NOXA1: variants seen among roughly 807,000 people sequenced by gnomAD.
The protein encoded by NOXA1 is NADPH oxidase activator 1, also known as NCF2-like protein.
Under a neutral mutation model 64.8 loss-of-function variants are expected in NOXA1, and 56 were observed. The ratio of observed to expected loss-of-function variants is 0.86; its 90% CI spans 0.70 to 1.08. The LOEUF is 1.08. NOXA1 is among the 50% of genes least tolerant of loss of function. NOXA1 has a pLI of 0.00. For synonymous variants in NOXA1, 295 were observed against 294.8 expected (o/e 1.00, Z -0.01); for missense variants, 668 against 658.5 (o/e 1.01, Z -0.16).
intron 1 of NOXA1, among the ~76,000 whole-genome samples, chr9:137,425,826 C>G (rs532339994): frequency 1.3e-5 from 2 of 150,854 alleles, no homozygotes; most frequent in Non-Finnish European, 1.5e-5. Flanking sequence ...GAGCCAAGAT[C>G]GAGCCACTGC....
At chr9:137,426,068 A>G (rs1220247612) in intron 1 of NOXA1, among the ~76,000 whole-genome samples, 180 bp from the exon 2 acceptor site, 1 of 152,018 alleles carries the variant, frequency 6.6e-6, no homozygotes, top group Non-Finnish European at 1.5e-5. Flanking sequence ...TGGCAACCTG[A>G]GTGGCGACAG....
intron 1 of NOXA1, among the ~76,000 whole-genome samples, chr9:137,425,408 C>T (rs115252886): frequency 0.011 from 1,742 of 152,156 alleles, 36 homozygotes; most frequent in African/African-American, 0.04. Flanking sequence ...TTTTTTGAGA[C>T]GGAATCTCGC....
intron 5 of NOXA1, 65 bp downstream of exon 5, chr9:137,429,448 G>A: frequency 8.4e-7 from 1 of 1,191,142 alleles, no homozygotes; most frequent in Non-Finnish European, 1.2e-6. Context: ...TGTGTTCCCA[G>A]GGATGGGGGG....
chr9:137,432,440 C>T (rs1030854849), intron 8 of NOXA1, among the ~76,000 whole-genome samples: 1 of 152,056 alleles, frequency 6.6e-6, no homozygotes, highest in Non-Finnish European at 1.5e-5. Flanking sequence ...ATTAGCTGGG[C>T]ATGGCGGCGG....
chr9:137,429,670 C>T (rs1173182215), intron 5 of NOXA1, among the ~76,000 whole-genome samples: 1 of 152,186 alleles, frequency 6.6e-6, no homozygotes, highest in Non-Finnish European at 1.5e-5. Flanking sequence ...GGGCCATGGC[C>T]ACAGCCACAG....
chr9:137,434,194 G>A (rs367561069), intron 13 of NOXA1, 30 bp from the exon 14 acceptor site: 39 of 1,597,308 alleles, frequency 2.4e-5, no homozygotes, highest in South Asian at 4.4e-5. Flanking sequence ...CCTGGGTAAC[G>A]CCCTGCAGAG....
At chr9:137,426,921 C>T (rs765146150) in intron 2 of NOXA1, among the ~76,000 whole-genome samples, 21 of 152,162 alleles carry the variant, frequency 1.4e-4, no homozygotes, top group Non-Finnish European at 2.4e-4. Context: ...CTTAGCCTCC[C>T]GGGTAGCTGG....
At chr9:137,423,779 TC>T (rs1838688030) in intron 1 of NOXA1, 73 bp downstream of exon 1, 1 of 1,143,990 alleles carries the variant, frequency 8.7e-7, no homozygotes, top group Non-Finnish European at 1.1e-6. Flanking sequence ...CCAGCGCCCC[TC>T]CCCGACCGTC....
chr9:137,426,414 C>G, intron 2 of NOXA1, 84 bp downstream of exon 2: 3 of 1,095,606 alleles, frequency 2.7e-6, no homozygotes, highest in Non-Finnish European at 4.2e-6. Flanking sequence ...CCTCCTCCCT[C>G]TCCATCCACT....
At chr9:137,430,295 G>A (rs962409515) in intron 5 of NOXA1, among the ~76,000 whole-genome samples, 5 of 149,688 alleles carry the variant, frequency 3.3e-5, no homozygotes, top group African/African-American at 4.9e-5. Context: ...CACCCCCAAA[G>A]GCAGCGGGCG....
At chr9:137,428,511 G>A (rs1254171353) in intron 3 of NOXA1, among the ~76,000 whole-genome samples, 3 of 151,916 alleles carry the variant, frequency 2.0e-5, no homozygotes, top group Non-Finnish European at 2.9e-5. Context: ...ACCAGACCCC[G>A]GAAATGCATC....
chr9:137,427,690 C>T (rs1442159258), intron 2 of NOXA1, among the ~76,000 whole-genome samples: 1 of 152,200 alleles, frequency 6.6e-6, no homozygotes, highest in East Asian at 1.9e-4. Flanking sequence ...AGGGGGAGCC[C>T]CCATGGGGTG....
In NOXA1 at chr9:137,423,429, T is replaced by C; in HGVS notation, c.-101T>C. 1 of 762,874 alleles carries C rather than the reference T, an allele frequency of 1.3e-6. No individual in the cohort carries two copies. The highest frequency in any genetic ancestry group is 4.8e-5 in the Admixed American group (1 of 20,630). The allele number at this position is 762,874 out of a possible 1,614,324, so 47.3% of individuals were successfully genotyped here. A position where few individuals can be genotyped will look rare whatever the true frequency, so the allele number is the denominator to read the frequency against. On this transcript the variant is annotated 5_prime_UTR_variant, in exon 1 of 14. Coordinates refer to ENST00000683555, the MANE Select transcript of NOXA1 (RefSeq NM_001256067.2). ...ACCTGGCGCTTGGCGCCCGCACCTC[T>C]GCCCGCCTCGGAGACCCCGCAGCCC...
At chr9:137,424,733 C>T (rs763084558) in intron 1 of NOXA1, among the ~76,000 whole-genome samples, 8 of 152,150 alleles carry the variant, frequency 5.3e-5, no homozygotes, top group East Asian at 1.9e-4. Flanking sequence ...CCACCTTGTC[C>T]GGCCCACAAT....
In NOXA1 at chr9:137,433,539, C is replaced by T. The variant is rs145607853; in HGVS notation, c.996C>T (p.Ala332=). The change falls in exon 11 of 14, where the codon GCC becomes GCT. Residue 332 remains alanine, a synonymous_variant. Coordinates refer to ENST00000683555, the MANE Select transcript of NOXA1 (RefSeq NM_001256067.2). Reference sequence around the variant, plus strand: ...TGGCCCTGAGGGCACGAAGAGGAGCCGACCTGTCCAGCCTGCGGGCACTGC... The same window carrying T: ...TGGCCCTGAGGGCACGAAGAGGAGCTGACCTGTCCAGCCTGCGGGCACTGC... The part of the protein sequence containing the change: ...FTVALRARRG[A]DLSSLRALLG... The T allele has an allele frequency of 4.2e-4, 665 of 1,587,728 alleles. 3 individuals are homozygous for T. Among genetic ancestry groups the T allele is most frequent in the Non-Finnish European group, 5.3e-4 (626 of 1,170,296 alleles).
chr9:137,431,228 C>T lies in NOXA1; in HGVS notation c.699-8C>T, dbSNP rs1839094457. ...GGCAGGGCCTGAGAGCCTCCCTCCT[C>T]TCCCTAGGTCCCTAATCATGGACTC... On this transcript the variant is annotated splice_region_variant and splice_polypyrimidine_tract_variant and intron_variant, in intron 7 of 13. Transcript: ENST00000683555. The surrounding 1 kb of genome is among the most constrained non-coding windows in gnomAD (Gnocchi z 5.6). 1.2e-6 allele frequency: 2 copies of T among 1,610,266 alleles called. No individual in the cohort carries two copies. The highest frequency in any genetic ancestry group is 2.7e-5 in the African/African-American group (2 of 74,890).
intron 2 of NOXA1, among the ~76,000 whole-genome samples, chr9:137,426,776 T>C (rs1025236443): frequency 6.6e-6 from 1 of 152,276 alleles, no homozygotes; most frequent in East Asian, 1.9e-4. Flanking sequence ...AAAATAAAAT[T>C]CTGTAAAAGA....
chr9:137,426,131 T>TG lies in NOXA1; in HGVS notation c.178-111dup, dbSNP rs1484606818. Reference sequence around the variant, plus strand: ...TCCTGGACAGGAGCAGGAGGGGCTGTGGGGGGTCCCCAGGGGCTGACGGAA... The same window carrying TG: ...TCCTGGACAGGAGCAGGAGGGGCTGTGGGGGGGTCCCCAGGGGCTGACGGAA... On this transcript the variant is annotated intron_variant, in intron 1 of 13. Transcript: ENST00000683555. The TG allele has an allele frequency of 1.1e-4, 98 of 898,462 alleles. No individual in the cohort carries two copies. The East Asian group carries it at 2.4e-3, about 22-fold the overall frequency. 55.7% of individuals were successfully genotyped at this position (898,462 alleles called of 1,614,324 possible).
chr9:137,427,994 T>C, intron 2 of NOXA1, 39 bp from the exon 3 acceptor site: 1 of 1,416,024 alleles, frequency 7.1e-7, no homozygotes, highest in Non-Finnish European at 9.7e-7. Flanking sequence ...CAGCCCCATC[T>C]CCGCCCTGTG....
Sources: allele counts gnomAD v4.1 joint callset (sites outside exome capture counted in the v4.1 genomes callset), GRCh38; gene constraint gnomAD v4.1.1; non-coding constraint Gnocchi (gnomAD v3.1); transcripts MANE v1.5; gene names NCBI Gene and HGNC (gene_info 2026-07-23, HGNC 2026-07-21).